Variants in PPARG observed in about 807,000 individuals in gnomAD.
PPARG encodes the protein peroxisome proliferator-activated receptor gamma.
A neutral mutation model predicts 39.2 loss-of-function variants in PPARG; 17 were observed. That is an observed-to-expected ratio of 0.43 (90% CI 0.30 to 0.65). PPARG has a LOEUF of 0.65. Among genes scored for constraint, PPARG ranks in the 30% least tolerant of loss-of-function variants. The probability of loss-of-function intolerance (pLI) is 0.13; values close to 1 mark genes in which losing one functional copy is unlikely to be tolerated. For missense variants in PPARG, 406 were observed against 585.9 expected (o/e 0.69, Z 3.17); for synonymous variants, 223 against 215.7 (o/e 1.03, Z -0.30).
intron 5 of PPARG, among the ~76,000 whole-genome samples, chr3:12,398,048 C>G (rs2125231322): frequency 6.6e-6 from 1 of 152,206 alleles, no homozygotes; most frequent in Non-Finnish European, 1.5e-5. Context: ...ATTCAAATGC[C>G]TTCCTTCCCA....
At chr3:12,419,637 T>G (rs1430993699) in intron 7 of PPARG, among the ~76,000 whole-genome samples, 1 of 151,932 alleles carries the variant, frequency 6.6e-6, no homozygotes, top group Non-Finnish European at 1.5e-5. Context: ...CCCAGCTAAT[T>G]TTTGCATTTT....
In PPARG at chr3:12,298,402, GAC is replaced by G. The variant is rs561853093; in HGVS notation, c.-83+9290_-83+9291del. 6.2e-3 allele frequency among the ~76,000 whole-genome samples: 870 copies of G among 140,050 alleles called. 10 individuals are homozygous for G. Among genetic ancestry groups the G allele is most frequent in the African/African-American group, 0.02 (771 of 37,912 alleles). The allele number at this position is 140,050 out of a possible 152,430, so 91.9% of individuals were successfully genotyped here. On this transcript the variant is annotated intron_variant, in intron 1 of 7. Transcript: ENST00000651735. ...ATTGTGAAAGTTATATATATGTATA[GAC>G]ACACACACACACACACACACAGTAA... is the stretch of plus-strand genomic sequence containing the variant.
At position 12,433,946 on chromosome 3, in the gene PPARG, A is replaced by G; in HGVS notation, c.1229A>G (p.Asn410Ser). Residue 410 changes from asparagine to serine, a missense_variant, in exon 8 of 8, where the codon AAC (asparagine) becomes AGC (serine). Asn to Ser is a conservative substitution (Grantham distance 46). Transcript: ENST00000651735. ...AAGCCCATTGAAGACATTCAAGACAACCTGCTACAAGCCCTGGAGCTCCAG... is the reference window on the plus strand; with the variant it reads ...AAGCCCATTGAAGACATTCAAGACAGCCTGCTACAAGCCCTGGAGCTCCAG... The part of the protein sequence containing the change: ...NVKPIEDIQD[N>S]LLQALELQLK... 1 of 1,614,212 alleles carries G rather than the reference A, an allele frequency of 6.2e-7. No homozygotes were observed. The highest frequency in any genetic ancestry group is 8.5e-7 in the Non-Finnish European group (1 of 1,180,028).
intron 1 of PPARG, among the ~76,000 whole-genome samples, chr3:12,296,800 A>G (rs900364761): frequency 6.6e-6 from 1 of 152,252 alleles, no homozygotes; most frequent in African/African-American, 2.4e-5. Flanking sequence ...AAAATCACAG[A>G]AGATGATCGG....
At chr3:12,351,326 T>C (rs1380020435) in intron 2 of PPARG, 8 of 549,056 alleles carry the variant, frequency 1.5e-5, no homozygotes, top group Non-Finnish European at 2.3e-5. Context: ...TTCCCTGTAA[T>C]GTACCAAGTC....
At chr3:12,417,519 C>T (rs2051103992) in intron 7 of PPARG, among the ~76,000 whole-genome samples, 1 of 152,108 alleles carries the variant, frequency 6.6e-6, no homozygotes, top group African/African-American at 2.4e-5. Flanking sequence ...GCATGTATAA[C>T]TTTGCTTAAG....
chr3:12,397,829 T>C lies in PPARG; in HGVS notation c.529+5077T>C, dbSNP rs561684618. On this transcript the variant is annotated intron_variant, in intron 5 of 7. Transcript: ENST00000651735. ...TGTGGCAGTACATGTTTGCTCCAGC[T>C]GCCCTGTCCCTCTACCCTGCGTGGA... Among the ~76,000 whole-genome samples, 5 of 152,290 alleles carry C rather than the reference T, an allele frequency of 3.3e-5. No homozygotes were observed. In the East Asian group the frequency reaches 9.7e-4, roughly 29 times the overall value.
At chr3:12,408,406 A>G (rs2050749759) in intron 6 of PPARG, among the ~76,000 whole-genome samples, 2 of 152,202 alleles carry the variant, frequency 1.3e-5, no homozygotes, top group South Asian at 2.1e-4. Flanking sequence ...AAAATTGGCC[A>G]TAGCAAATCA....
chr3:12,389,460 T>C (rs1406807828), intron 4 of PPARG, among the ~76,000 whole-genome samples: 1 of 152,010 alleles, frequency 6.6e-6, no homozygotes, highest in Non-Finnish European at 1.5e-5. Flanking sequence ...ATAGAGAGTA[T>C]AAAAGCAACC....
intron 6 of PPARG, among the ~76,000 whole-genome samples, chr3:12,415,266 G>A (rs777254402): frequency 4.9e-4 from 74 of 152,146 alleles, no homozygotes; most frequent in Non-Finnish European, 9.7e-4. Flanking sequence ...AATTTCCTCC[G>A]GAGAAGAGAT....
intron 6 of PPARG, among the ~76,000 whole-genome samples, chr3:12,413,536 T>G (rs1231855888): frequency 6.6e-6 from 1 of 152,092 alleles, no homozygotes; most frequent in African/African-American, 2.4e-5. Flanking sequence ...GGGCCGGGCA[T>G]GGTGGCTCAT....
intron 7 of PPARG, among the ~76,000 whole-genome samples, chr3:12,418,922 TTTG>T (rs755611466): frequency 6.6e-6 from 1 of 152,134 alleles, no homozygotes; most frequent in East Asian, 1.9e-4. Context: ...ATTGTGGGTT[TTTG>T]TTGTTGTTGT....
At chr3:12,406,151 AATGGT>A in intron 6 of PPARG, 70 bp downstream of exon 6, 1 of 1,429,350 alleles carries the variant, frequency 7.0e-7, no homozygotes. Flanking sequence ...TCTTTGAGTA[AATGGT>A]TTACTGCGCT....
intron 6 of PPARG, chr3:12,406,311 G>A: frequency 3.5e-6 from 2 of 573,146 alleles, no homozygotes; most frequent in Non-Finnish European, 6.3e-6. Flanking sequence ...TGAGAATAGT[G>A]TAACAATGTA....
At chr3:12,302,571 A>G (rs1005549130) in intron 1 of PPARG, among the ~76,000 whole-genome samples, 2 of 152,228 alleles carry the variant, frequency 1.3e-5, no homozygotes, top group Admixed American at 6.5e-5. Flanking sequence ...AGAGAAAATA[A>G]TTTCCAGTAT....
intron 1 of PPARG, among the ~76,000 whole-genome samples, chr3:12,306,120 G>A (rs149943392): frequency 1.6e-3 from 241 of 152,298 alleles, no homozygotes; most frequent in African/African-American, 5.6e-3. Flanking sequence ...TTTTTCAACA[G>A]ACTGGTGGCA....
At chr3:12,369,115 T>G (rs534628335) in intron 2 of PPARG, among the ~76,000 whole-genome samples, 1 of 152,348 alleles carries the variant, frequency 6.6e-6, no homozygotes, top group African/African-American at 2.4e-5. Context: ...TTCCCACAGC[T>G]AAATCCCGCT....
chr3:12,302,528 G>GA (rs942986484), intron 1 of PPARG, among the ~76,000 whole-genome samples: 3 of 150,726 alleles, frequency 2.0e-5, no homozygotes, highest in Admixed American at 1.3e-4. Flanking sequence ...CTCAAATTAA[G>GA]AAAAAAAAAG....
intron 2 of PPARG, among the ~76,000 whole-genome samples, chr3:12,378,857 A>G (rs761426874): frequency 6.6e-6 from 1 of 152,222 alleles, no homozygotes; most frequent in Non-Finnish European, 1.5e-5. Context: ...ACACATATTC[A>G]TACTCAAAAA....
Sources: allele counts gnomAD v4.1 joint callset (sites outside exome capture counted in the v4.1 genomes callset), GRCh38; gene constraint gnomAD v4.1.1; transcripts MANE v1.5; gene names NCBI Gene and HGNC (gene_info 2026-07-23, HGNC 2026-07-21).